The following GFRA2 variants were observed in gnomAD, a reference collection of about 807,000 sequenced individuals.
The protein encoded by GFRA2 is GDNF family receptor alpha 2, also known as GDNF family receptor alpha-2.
Under a neutral mutation model 48.3 loss-of-function variants are expected in GFRA2, and 17 were observed. That is an observed-to-expected ratio of 0.35 (90% CI 0.24 to 0.53). The LOEUF is 0.53. GFRA2 is among the 20% of genes least tolerant of loss of function. The pLI, the probability that GFRA2 is intolerant of heterozygous loss-of-function variation, is 0.93. For synonymous variants in GFRA2, 305 were observed against 257.2 expected, an observed-to-expected ratio of 1.19 and a Z score of -1.78; for missense variants, 660 against 637.3, an observed-to-expected ratio of 1.04 and a Z score of -0.38.
At chr8:21,744,787 C>T (rs1473105062) in intron 4 of GFRA2, among the ~76,000 whole-genome samples, 1 of 152,116 alleles carries the variant, frequency 6.6e-6, no homozygotes, top group Non-Finnish European at 1.5e-5. Flanking sequence ...CTGACCTATC[C>T]CTAGATGCTC....
At chr8:21,804,906 A>T (rs548527934) in intron 2 of GFRA2, 1 of 152,264 alleles carries the variant, frequency 6.6e-6, no homozygotes, top group East Asian at 1.9e-4. Context: ...CTATTTCAGC[A>T]TGCCTGGTCC....
chr8:21,736,656 T>G (rs1563237392), intron 4 of GFRA2, among the ~76,000 whole-genome samples: 1 of 151,958 alleles, frequency 6.6e-6, no homozygotes, highest in Non-Finnish European at 1.5e-5. Context: ...CCACCGTATC[T>G]GGCTAATTTT....
intron 1 of GFRA2, among the ~76,000 whole-genome samples, chr8:21,787,271 G>C (rs1159862422): frequency 8.4e-6 from 1 of 119,092 alleles, no homozygotes; most frequent in Admixed American, 8.5e-5. Context: ...GGCGGGGGGG[G>C]CAGTGGGGGG....
At chr8:21,724,367 T>C (rs1277116609) in intron 4 of GFRA2, among the ~76,000 whole-genome samples, 1 of 152,034 alleles carries the variant, frequency 6.6e-6, no homozygotes, top group Non-Finnish European at 1.5e-5. Flanking sequence ...AGCAAGCAGA[T>C]TCCCAGTATT....
chr8:21,751,238 T>G (rs1231954249), intron 3 of GFRA2, among the ~76,000 whole-genome samples: 1 of 152,146 alleles, frequency 6.6e-6, no homozygotes, highest in African/African-American at 2.4e-5. Flanking sequence ...ATCACAAGCC[T>G]AAAAGGCAAG....
At chr8:21,809,135 G>A (rs568320872) in intron 1 of GFRA2, among the ~76,000 whole-genome samples, 2 of 152,230 alleles carry the variant, frequency 1.3e-5, no homozygotes, top group East Asian at 1.9e-4. Flanking sequence ...CCAACATCAC[G>A]CAAGGAGTAA....
chr8:21,695,595 T>C (rs933978621), intron 7 of GFRA2, among the ~76,000 whole-genome samples: 9 of 151,992 alleles, frequency 5.9e-5, no homozygotes, highest in Admixed American at 1.3e-4. Flanking sequence ...ACCAGGAGTG[T>C]CCCCAGGTGC....
At chr8:21,723,892 A>G (rs1803728593) in intron 4 of GFRA2, among the ~76,000 whole-genome samples, 1 of 152,180 alleles carries the variant, frequency 6.6e-6, no homozygotes. Context: ...TGTGTCAACC[A>G]AGGGGAGTCC....
At chr8:21,747,626 C>T (rs949871637) in intron 4 of GFRA2, among the ~76,000 whole-genome samples, 10 of 151,988 alleles carry the variant, frequency 6.6e-5, no homozygotes, top group African/African-American at 1.5e-4. Flanking sequence ...GGCCCCAGCT[C>T]TCCTCCCCAT....
intron 8 of GFRA2, among the ~76,000 whole-genome samples, chr8:21,694,077 T>TTATATATATATA (rs1161900689): frequency 9.1e-6 from 1 of 109,294 alleles, no homozygotes; most frequent in Non-Finnish European, 2.0e-5. Flanking sequence ...TTATTTATTT[T>TTATATATATATA]TATATATATA....
intron 7 of GFRA2, among the ~76,000 whole-genome samples, chr8:21,696,278 C>A (rs1351306028): frequency 6.6e-6 from 1 of 151,740 alleles, no homozygotes; most frequent in African/African-American, 2.4e-5. Flanking sequence ...GAGGCAGAAG[C>A]TCCCTGCACT....
Position 21,694,077 on chromosome 8 carries a change from T to TTATATATA in GFRA2, c.1272+379_1272+386dup, listed in dbSNP as rs1161900689. Among the ~76,000 whole-genome samples the TTATATATA allele has an allele frequency of 2.1e-4, 23 of 109,294 alleles. 1 individual carries two copies. The highest frequency in any genetic ancestry group is 6.7e-4 in the African/African-American group (21 of 31,474). The allele number at this position is 109,294 out of a possible 152,430, so 71.7% of individuals were successfully genotyped here. On this transcript the variant is annotated intron_variant, in intron 8 of 8. Coordinates refer to ENST00000524240, the MANE Select transcript of GFRA2 (RefSeq NM_001495.5). ...TATTTATATATATATTTATTTATTTTTATATATATATATATTTCCTATAGT... is the reference window on the plus strand; with the variant it reads ...TATTTATATATATATTTATTTATTTTTATATATATATATATATATATATTTCCTATAGT...
chr8:21,692,648 C>G lies in GFRA2; in HGVS notation c.*630G>C, dbSNP rs575896370. The stretch of plus-strand genomic sequence containing the variant: ...CCCCCAGCCCCAACACTCCGTGCTA[C>G]AGTCAGGGGGAGCCCAGCACGGTGC... On this transcript the variant is annotated 3_prime_UTR_variant, in exon 9 of 9. Transcript: ENST00000524240. 1 of 152,300 alleles carries G rather than the reference C, an allele frequency of 6.6e-6. No individual in the cohort carries two copies. Among genetic ancestry groups the G allele is most frequent in the African/African-American group, 2.4e-5 (1 of 41,448 alleles). 9.4% of individuals were successfully genotyped at this position (152,300 alleles called of 1,614,324 possible). A position where few individuals can be genotyped will look rare whatever the true frequency, so the allele number is the denominator to read the frequency against.
Position 21,762,669 on chromosome 8 carries a change from T to C in GFRA2, c.440-11727A>G, listed in dbSNP as rs138450818. ...TTGTCAAATTTTAACCACACTTAAA[T>C]TTCTTTCTCCAAGTCCTCAAATTTC... On this transcript the variant is annotated intron_variant, in intron 3 of 8. Transcript: ENST00000524240. Among the ~76,000 whole-genome samples the C allele has an allele frequency of 3.8e-3, 586 of 152,336 alleles. 4 individuals carry two copies. The highest frequency in any genetic ancestry group is 7.0e-3 in the Non-Finnish European group (474 of 68,040).
At chr8:21,751,824 C>A (rs1026135986) in intron 3 of GFRA2, among the ~76,000 whole-genome samples, 5 of 152,166 alleles carry the variant, frequency 3.3e-5, no homozygotes. Flanking sequence ...CCTACCTCTG[C>A]ACAGCCCTCT....
At chr8:21,727,909 G>A (rs1803959595) in intron 4 of GFRA2, among the ~76,000 whole-genome samples, 1 of 152,192 alleles carries the variant, frequency 6.6e-6, no homozygotes. Flanking sequence ...ACAAAAGTGT[G>A]TAGATGCACC....
intron 2 of GFRA2, 145 bp from the exon 3 acceptor site, chr8:21,775,200 T>C (rs1255223803): frequency 2.7e-5 from 17 of 620,386 alleles, no homozygotes; most frequent in Non-Finnish European, 4.4e-5. Context: ...CTTCCCAAAG[T>C]GAAGAGTGCA....
Position 21,705,966 on chromosome 8 carries a change from G to A in GFRA2, c.870C>T (p.Tyr290=). The change falls in exon 5 of 9, where the codon TAC becomes TAT. Residue 290 remains tyrosine (Y), a synonymous_variant. Coordinates refer to ENST00000524240, the MANE Select transcript of GFRA2 (RefSeq NM_001495.5). ...QTVTSCPADN[Y]QACLGSYAGM... ...CAGCATAAGAGCCCAGACACGCCTG[G>A]TAATTGTCCGCAGGGCAGCTGGTGA... 6.3e-7 allele frequency: 1 copy of A among 1,575,818 alleles called. No homozygotes were observed. Among genetic ancestry groups the A allele is most frequent in the Non-Finnish European group, 8.6e-7 (1 of 1,160,098 alleles).
intron 7 of GFRA2, among the ~76,000 whole-genome samples, chr8:21,697,191 GA>G (rs1231558885): frequency 2.5e-4 from 15 of 59,418 alleles, no homozygotes. Flanking sequence ...AGGAGAGGGA[GA>G]GGGGACAAAC....
Sources: allele counts gnomAD v4.1 joint callset (sites outside exome capture counted in the v4.1 genomes callset), GRCh38; gene constraint gnomAD v4.1.1; transcripts MANE v1.5; gene names NCBI Gene and HGNC (gene_info 2026-07-23, HGNC 2026-07-21).